SOS2: variants seen among roughly 807,000 people sequenced by gnomAD.
SOS2 encodes the protein son of sevenless homolog 2.
A neutral mutation model predicts 148.2 loss-of-function variants in SOS2; 65 were observed. The ratio of observed to expected loss-of-function variants is 0.44; its 90% CI spans 0.36 to 0.54. The LOEUF (loss-of-function observed/expected upper bound fraction) is 0.54. SOS2 is among the 20% of genes least tolerant of loss of function. The pLI is 0.00. For missense variants in SOS2, 1,341 were observed against 1,590.2 expected, an observed-to-expected ratio of 0.84 and a Z score of 2.67; for synonymous variants, 539 against 537.1, an observed-to-expected ratio of 1.00 and a Z score of -0.05.
In SOS2 at chr14:50,138,844, A is replaced by G. The variant is rs568793586; in HGVS notation, c.2786-60T>C. On this transcript the variant is annotated intron_variant, in intron 17 of 22. Coordinates refer to ENST00000216373, the MANE Select transcript of SOS2 (RefSeq NM_006939.4). ...TATTTTAAATTTTGTTATTTAATCA[A>G]TTATTTGGGAAAACAACTGATCTAG... 6.1e-6 allele frequency: 4 copies of G among 650,702 alleles called. No homozygotes were observed. The African/African-American group carries it at 7.4e-5, about 12-fold the overall frequency. 40.3% of individuals were successfully genotyped at this position (650,702 alleles called of 1,614,324 possible).
At chr14:50,160,518 C>T (rs1349363878) in intron 9 of SOS2, among the ~76,000 whole-genome samples, 1 of 150,436 alleles carries the variant, frequency 6.6e-6, no homozygotes. Context: ...TCCCGAGTAG[C>T]TGGGATTACA....
At chr14:50,173,430 T>G (rs1885430716) in intron 8 of SOS2, among the ~76,000 whole-genome samples, 1 of 152,128 alleles carries the variant, frequency 6.6e-6, no homozygotes, top group Non-Finnish European at 1.5e-5. Flanking sequence ...GCTTTTTTTT[T>G]TATTTTTTTG....
At position 50,160,374 on chromosome 14, in the gene SOS2, C is replaced by T. The variant is rs1188326185; in HGVS notation, c.1197-288G>A. ...AGTCTATCCTAATAATATAACAATG[C>T]TAATCTTTTTTTTTTTTTTTTTTTT... On this transcript the variant is annotated intron_variant, in intron 9 of 22. Coordinates refer to ENST00000216373, the MANE Select transcript of SOS2 (RefSeq NM_006939.4). 1.3e-4 allele frequency among the ~76,000 whole-genome samples: 17 copies of T among 130,890 alleles called. No homozygotes were observed. The Admixed American group carries it at 1.4e-3, about 11-fold the overall frequency. The allele number at this position is 130,890 out of a possible 152,430, so 85.9% of individuals were successfully genotyped here.
chr14:50,180,750 T>A, intron 6 of SOS2, 68 bp from the exon 7 acceptor site: 1 of 845,078 alleles, frequency 1.2e-6, no homozygotes, highest in Non-Finnish European at 1.8e-6. Context: ...ATGGTACAGA[T>A]TATTATCACT....
Position 50,150,025 on chromosome 14 carries a change from C to G in SOS2, c.2367G>C (p.Leu789Phe). The G allele has an allele frequency of 1.2e-6, 2 of 1,609,476 alleles. No individual in the cohort carries two copies. The highest frequency in any genetic ancestry group is 1.7e-6 in the Non-Finnish European group (2 of 1,175,768). ...PIEIARQLTLLESDLYRKVQP... is the reference protein window; with the variant it reads ...PIEIARQLTLFESDLYRKVQP... ...TTGTCTACCTGTAAAGATCAGACTCCAAAAGTGTCAGCTGACGTGCAATTT... is the reference window on the plus strand; with the variant it reads ...TTGTCTACCTGTAAAGATCAGACTCGAAAAGTGTCAGCTGACGTGCAATTT... The change falls in exon 14 of 23, where the codon TTG becomes TTC. Residue 789 changes from leucine (L) to phenylalanine (F), a missense_variant. Transcript: ENST00000216373.
intron 8 of SOS2, among the ~76,000 whole-genome samples, chr14:50,173,114 G>A (rs542076914): frequency 2.0e-5 from 3 of 152,146 alleles, no homozygotes; most frequent in South Asian, 2.1e-4. Context: ...GGGACTATAG[G>A]CTTGTGGCCA....
rs753151750 is a variant in SOS2 at position 50,118,759 on chromosome 14, G to C, written c.3584C>G (p.Ala1195Gly). 1 of 1,612,310 alleles carries C rather than the reference G, an allele frequency of 6.2e-7. No individual in the cohort carries two copies. The highest frequency in any genetic ancestry group is 8.5e-7 in the Non-Finnish European group (1 of 1,179,282). ...VKPRVPVPTG[A>G]FDGPLHSPPP... Reference sequence around the variant, plus strand: ...TGGACTATGCAGAGGCCCATCAAATGCACCAGTAGGAACAGGAACTCTGGG... The same window carrying C: ...TGGACTATGCAGAGGCCCATCAAATCCACCAGTAGGAACAGGAACTCTGGG... The change falls in exon 23 of 23, where the codon GCA (alanine) becomes GGA (glycine). Residue 1195 changes from alanine (A) to glycine (G), a missense_variant. Physicochemically the swap from Ala to Gly is moderately conservative, Grantham distance 60. This residue lies in a region of SOS2 where 354 missense variants were observed against 347.7 expected (regional missense o/e 1.02). Coordinates refer to ENST00000216373, the MANE Select transcript of SOS2 (RefSeq NM_006939.4).
chr14:50,131,306 T>C (rs1883858184), intron 19 of SOS2, among the ~76,000 whole-genome samples: 1 of 152,140 alleles, frequency 6.6e-6, no homozygotes, highest in Non-Finnish European at 1.5e-5. Context: ...AGAACTCAGA[T>C]CAGAAAACTT....
intron 1 of SOS2, among the ~76,000 whole-genome samples, chr14:50,219,861 G>T (rs530959800): frequency 6.6e-6 from 1 of 151,926 alleles, no homozygotes; most frequent in South Asian, 2.1e-4. Context: ...GGGGGCAGGG[G>T]AGAGGTGTGG....
chr14:50,157,086 T>C lies in SOS2; in HGVS notation c.1970A>G (p.Asp657Gly). Reference sequence around the variant, plus strand: ...CTCGCCTTTCTCTATTGCCAATTTGTCTGCGTCAGTAGGTTCTGGCTCTGG... The same window carrying C: ...CTCGCCTTTCTCTATTGCCAATTTGCCTGCGTCAGTAGGTTCTGGCTCTGG... Reference protein sequence around the residue: ...EIPEPEPTDADKLAIEKGEQP... With the variant: ...EIPEPEPTDAGKLAIEKGEQP... The change falls in exon 12 of 23, where the codon GAC (aspartate) becomes GGC (glycine). Residue 657 changes from aspartate to glycine, a missense_variant. Transcript: ENST00000216373. The C allele has an allele frequency of 1.2e-6, 2 of 1,612,710 alleles. No homozygotes were observed. Among genetic ancestry groups the C allele is most frequent in the Non-Finnish European group, 1.7e-6 (2 of 1,179,112 alleles).
intron 1 of SOS2, among the ~76,000 whole-genome samples, chr14:50,229,892 G>C (rs1202517873): frequency 2.0e-5 from 3 of 152,174 alleles, no homozygotes; most frequent in African/African-American, 7.2e-5. Flanking sequence ...ATTCAGGCCA[G>C]AGTTCATTTT....
In SOS2 at chr14:50,196,208, G is replaced by T. The variant is rs183608887; in HGVS notation, c.510+3483C>A. On this transcript the variant is annotated intron_variant, in intron 4 of 22. Transcript: ENST00000216373. The stretch of plus-strand genomic sequence containing the variant: ...TTGGGTCTTTTTTGTAAGATTTATT[G>T]CACAGTATGGTGAATATAGTAAATA... Among the ~76,000 whole-genome samples, 31 of 152,218 alleles carry T rather than the reference G, an allele frequency of 2.0e-4. No individual in the cohort carries two copies. In the East Asian group the frequency reaches 4.8e-3, roughly 24 times the overall value.
At chr14:50,177,854 G>A (rs1480695334) in intron 7 of SOS2, among the ~76,000 whole-genome samples, 2 of 152,242 alleles carry the variant, frequency 1.3e-5, no homozygotes, top group East Asian at 1.9e-4. Flanking sequence ...GGGTATCCAA[G>A]TGCATCAATT....
At chr14:50,124,269 T>C (rs1451670275) in intron 21 of SOS2, among the ~76,000 whole-genome samples, 1 of 152,042 alleles carries the variant, frequency 6.6e-6, no homozygotes, top group Non-Finnish European at 1.5e-5. Flanking sequence ...CCAATGTCAA[T>C]AGTTTGGGAA....
intron 13 of SOS2, among the ~76,000 whole-genome samples, chr14:50,150,714 C>T (rs529711144): frequency 6.6e-6 from 1 of 151,810 alleles, no homozygotes; most frequent in African/African-American, 2.4e-5. Context: ...CATATCACCA[C>T]GCCTGGCTAA....
intron 21 of SOS2, among the ~76,000 whole-genome samples, chr14:50,120,778 C>T (rs1210877265): frequency 5.8e-5 from 7 of 120,114 alleles, no homozygotes; most frequent in African/African-American, 1.3e-4. Flanking sequence ...CCCACTCTGT[C>T]GCCTAGGCTG....
In SOS2 at chr14:50,160,068, A is replaced by G; in HGVS notation, c.1215T>C (p.Phe405=). 1 of 1,612,144 alleles carries G rather than the reference A, an allele frequency of 6.2e-7. No individual in the cohort carries two copies. Among genetic ancestry groups the G allele is most frequent in the African/African-American group, 1.3e-5 (1 of 74,870 alleles). ...GTTTGCTTCTTAATTGGTGACTATAAAAAGGGCAAACAGGATCTCTAGAAA... is the reference window on the plus strand; with the variant it reads ...GTTTGCTTCTTAATTGGTGACTATAGAAAGGGCAAACAGGATCTCTAGAAA... The part of the protein sequence containing the change: ...RRRPGDPVCP[F]YSHQLRSKHL... Residue 405 remains phenylalanine (F), a synonymous_variant, in exon 10 of 23, where the codon TTT becomes TTC. Transcript: ENST00000216373.
At chr14:50,190,517 G>A (rs1886094511) in intron 4 of SOS2, among the ~76,000 whole-genome samples, 1 of 152,044 alleles carries the variant, frequency 6.6e-6, no homozygotes, top group Non-Finnish European at 1.5e-5. Flanking sequence ...CTTACCGCAG[G>A]CTTTAGATTA....
intron 8 of SOS2, among the ~76,000 whole-genome samples, chr14:50,170,239 G>A (rs1194073497): frequency 2.0e-5 from 3 of 151,468 alleles, no homozygotes; most frequent in Admixed American, 6.6e-5. Flanking sequence ...CACTTTCTAA[G>A]ATAAATTTTA....
Sources: allele counts gnomAD v4.1 joint callset (sites outside exome capture counted in the v4.1 genomes callset), GRCh38; gene constraint gnomAD v4.1.1; regional missense constraint gnomAD v4.1.1; transcripts MANE v1.5; gene names NCBI Gene and HGNC (gene_info 2026-07-23, HGNC 2026-07-21).